The following SPECC1 variants were observed in gnomAD, a reference collection of about 807,000 sequenced individuals.
SPECC1 encodes the protein cytospin-B.
SPECC1 carries 62 observed loss-of-function variants against 104.1 expected under a neutral mutation model. That is an observed-to-expected ratio of 0.60 (90% confidence interval 0.49 to 0.74). SPECC1 has a LOEUF of 0.74. Ranked by LOEUF, SPECC1 falls within the 30% of genes least tolerant of loss-of-function variation. The probability of loss-of-function intolerance (pLI) is 0.00; values close to 1 mark genes in which losing one functional copy is unlikely to be tolerated. For synonymous variants in SPECC1, 513 were observed against 501.6 expected (o/e 1.02, Z -0.30); for missense variants, 1,306 against 1,310.5 (o/e 1.00, Z 0.05).
chr17:20,113,130 A>G, intron 3 of SPECC1: 1 of 642,986 alleles, frequency 1.6e-6, no homozygotes, highest in South Asian at 2.0e-5. Flanking sequence ...GCTTGTTCTC[A>G]GTGGTGCATA....
At chr17:20,225,983 A>C (rs948388421) in intron 4 of SPECC1, among the ~76,000 whole-genome samples, 3 of 147,930 alleles carry the variant, frequency 2.0e-5, no homozygotes, top group African/African-American at 7.5e-5. Flanking sequence ...CTGTGTAGAT[A>C]CTAGGGGTGC....
Position 20,247,282 on chromosome 17 carries a change from T to C in SPECC1, c.2561T>C (p.Val854Ala). Residue 854 changes from valine (V) to alanine (A), a missense_variant, in exon 9 of 15, where the codon GTG (valine) becomes GCG (alanine). Physicochemically the swap from Val to Ala is moderately conservative, Grantham distance 64. Around this residue, in one of 2 missense-constraint regions of SPECC1, gnomAD observed 1,177 missense variants for 1,139.9 expected, o/e 1.03. Coordinates refer to ENST00000395527, the MANE Select transcript of SPECC1 (RefSeq NM_001243439.2). The part of the protein sequence containing the change: ...TPRSPLSGIP[V>A]RTAPAAAVSP... ...AGAAGTCCCCTAAGTGGGATACCAG[T>C]GAGGACTGCTCCAGCAGCTGCTGTC... is the stretch of plus-strand genomic sequence containing the variant. The C allele has an allele frequency of 6.2e-7, 1 of 1,613,836 alleles. No individual in the cohort carries two copies. Among genetic ancestry groups the C allele is most frequent in the Non-Finnish European group, 8.5e-7 (1 of 1,179,858 alleles).
intron 1 of SPECC1, among the ~76,000 whole-genome samples, chr17:20,035,740 A>C (rs1244183406): frequency 6.6e-6 from 1 of 152,150 alleles, no homozygotes; most frequent in East Asian, 1.9e-4. Flanking sequence ...TCCTTTGTCC[A>C]GCTCAATTGA....
chr17:20,298,948 A>AGAGAGAGAGAGAGAGAGAGTGTGT, intron 13 of SPECC1, among the ~76,000 whole-genome samples: 2 of 49,072 alleles, frequency 4.1e-5, no homozygotes, highest in Admixed American at 4.2e-4. Context: ...AGAGAGAGAG[A>AGAGAGAGAGAGAGAGAGAGTGTGT]GTGTGTGTGT....
At chr17:20,163,243 A>G (rs1471455454) in intron 3 of SPECC1, among the ~76,000 whole-genome samples, 1 of 152,214 alleles carries the variant, frequency 6.6e-6, no homozygotes. Context: ...TAAGTCATTT[A>G]AAGTTGTGGA....
At chr17:20,085,515 G>A (rs1190709865) in intron 1 of SPECC1, among the ~76,000 whole-genome samples, 2 of 152,194 alleles carry the variant, frequency 1.3e-5, no homozygotes, top group Admixed American at 1.3e-4. Flanking sequence ...ATTATCCGTC[G>A]TATTTGTGGT....
Position 20,316,337 on chromosome 17 carries a change from G to T in SPECC1, c.*2272G>T, listed in dbSNP as rs1392735806. On this transcript the variant is annotated 3_prime_UTR_variant, in exon 15 of 15. Coordinates refer to ENST00000395527, the MANE Select transcript of SPECC1 (RefSeq NM_001243439.2). ...CTTGGGATACCCGGAGTGGGAGTGG[G>T]TGTTTTCTGTGATTGGTTCTGTTTT... The T allele has an allele frequency of 8.7e-6, 2 of 228,870 alleles. No homozygotes were observed. The highest frequency in any genetic ancestry group is 4.4e-5 in the African/African-American group (2 of 45,000). 14.2% of individuals were successfully genotyped at this position (228,870 alleles called of 1,614,324 possible). A position where few individuals can be genotyped will look rare whatever the true frequency, so the allele number is the denominator to read the frequency against.
intron 13 of SPECC1, chr17:20,305,757 G>A: frequency 5.3e-6 from 2 of 375,616 alleles, no homozygotes; most frequent in Non-Finnish European, 9.6e-6. Context: ...CATAAATCTT[G>A]CAAAGTATGA....
chr17:20,240,060 A>ATT (rs748689632), intron 7 of SPECC1, among the ~76,000 whole-genome samples: 3,449 of 32,096 alleles, frequency 0.11, 901 homozygotes, highest in East Asian at 0.2. Flanking sequence ...TGTCCAGCTA[A>ATT]TTTTTTTTTT....
At chr17:20,212,792 A>G (rs1260232926) in intron 4 of SPECC1, among the ~76,000 whole-genome samples, 3 of 152,254 alleles carry the variant, frequency 2.0e-5, no homozygotes, top group South Asian at 4.1e-4. Context: ...CAGACGAATG[A>G]ATGAATGTCA....
chr17:20,282,510 C>T (rs2040808624), intron 12 of SPECC1, among the ~76,000 whole-genome samples: 1 of 152,228 alleles, frequency 6.6e-6, no homozygotes, highest in African/African-American at 2.4e-5. Context: ...TCCCAACAGA[C>T]TTTCTTTATT....
At chr17:20,017,380 A>C (rs900280986) in intron 1 of SPECC1, 2 of 153,048 alleles carry the variant, frequency 1.3e-5, no homozygotes, top group African/African-American at 4.8e-5. Context: ...GAAGGTCTGC[A>C]GCTTCACTCC....
At chr17:20,121,393 A>G (rs1457920573) in intron 3 of SPECC1, among the ~76,000 whole-genome samples, 4 of 151,866 alleles carry the variant, frequency 2.6e-5, no homozygotes, top group African/African-American at 4.8e-5. Flanking sequence ...TTTTCTATAG[A>G]CGGAGTTTTG....
At chr17:20,198,430 G>C (rs1484012329) in intron 3 of SPECC1, among the ~76,000 whole-genome samples, 1 of 152,242 alleles carries the variant, frequency 6.6e-6, no homozygotes, top group East Asian at 1.9e-4. Flanking sequence ...CTCCTCAGTA[G>C]CAAAGGGATC....
chr17:20,111,000 G>A (rs1464508920), intron 3 of SPECC1, among the ~76,000 whole-genome samples: 1 of 152,158 alleles, frequency 6.6e-6, no homozygotes, highest in Non-Finnish European at 1.5e-5. Context: ...AGCTGTGGAA[G>A]GCTGCTCAGA....
chr17:20,091,128 T>G (rs1175499588), intron 1 of SPECC1, among the ~76,000 whole-genome samples: 1 of 152,154 alleles, frequency 6.6e-6, no homozygotes, highest in African/African-American at 2.4e-5. Flanking sequence ...GATCAATGAA[T>G]TTTACTTTGG....
chr17:20,191,243 A>G (rs1195695243), intron 3 of SPECC1, among the ~76,000 whole-genome samples: 1 of 152,216 alleles, frequency 6.6e-6, no homozygotes, highest in Non-Finnish European at 1.5e-5. Context: ...GCTAAATACC[A>G]AGGAGTGCTA....
intron 3 of SPECC1, among the ~76,000 whole-genome samples, chr17:20,163,354 C>T (rs2033345514): frequency 6.6e-6 from 1 of 152,122 alleles, no homozygotes; most frequent in Non-Finnish European, 1.5e-5. Context: ...TCTTTAAGAG[C>T]ATCTGGTTAA....
chr17:20,038,195 G>A (rs1477347646), intron 1 of SPECC1, among the ~76,000 whole-genome samples: 2 of 151,628 alleles, frequency 1.3e-5, no homozygotes, highest in African/African-American at 2.4e-5. Flanking sequence ...TTTCTTTATT[G>A]TGTTTCTGTT....
Sources: gnomAD v4.1 joint callset for allele counts (sites outside exome capture counted in the v4.1 genomes callset) on GRCh38, gnomAD v4.1.1 for gene constraint, gnomAD v4.1.1 regional missense constraint, MANE v1.5 for transcripts, NCBI Gene and HGNC (gene_info 2026-07-23, HGNC 2026-07-21) for gene names.